ZNF26: variants seen among roughly 807,000 people sequenced by gnomAD.
ZNF26 encodes the protein zinc finger protein 26, also known as epididymis luminal protein 179.
Under a neutral mutation model 54.9 loss-of-function variants are expected in ZNF26, and 32 were observed. The observed-to-expected ratio is 0.58, with a 90% CI of 0.44 to 0.78. The LOEUF is 0.78. Ranked by LOEUF, ZNF26 falls within the 30% of genes least tolerant of loss-of-function variation. The pLI, the probability that ZNF26 is intolerant of heterozygous loss-of-function variation, is 0.00. For missense variants in ZNF26, 524 were observed against 634.0 expected (o/e 0.83, Z 1.86); for synonymous variants, 221 against 209.2 (o/e 1.06, Z -0.49).
Position 132,989,028 on chromosome 12 carries a change from A to ATTTTTTTTTTTTTTTTTTTTTT in ZNF26, c.33+2162_33+2183dup, listed in dbSNP as rs150395603. Among the ~76,000 whole-genome samples the ATTTTTTTTTTTTTTTTTTTTTT allele has an allele frequency of 1.0e-4, 8 of 78,826 alleles. 3 individuals are homozygous for ATTTTTTTTTTTTTTTTTTTTTT. The highest frequency in any genetic ancestry group is 1.0e-4 in the African/African-American group (2 of 20,054). The allele number at this position is 78,826 out of a possible 152,430, so 51.7% of individuals were successfully genotyped here. ...TGTAGTTCCAGGAGTCTTTCGGTGA[A>ATTTTTTTTTTTTTTTTTTTTTT]TTTTTTTTTTTTTTTTTTTTTTTTT... On this transcript the variant is annotated intron_variant, in intron 1 of 3. Transcript: ENST00000328654.
chr12:132,990,321 A>G (rs1157614946), intron 1 of ZNF26, among the ~76,000 whole-genome samples: 1 of 152,276 alleles, frequency 6.6e-6, no homozygotes, highest in Non-Finnish European at 1.5e-5. Context: ...GCATCTATCT[A>G]TGCTTTTTCT....
intron 1 of ZNF26, among the ~76,000 whole-genome samples, chr12:132,996,215 T>C (rs1281833034): frequency 6.6e-6 from 1 of 152,190 alleles, no homozygotes; most frequent in African/African-American, 2.4e-5. Context: ...ACTCAACAGA[T>C]GTCCCATGGG....
chr12:133,001,680 C>T lies in ZNF26; in HGVS notation c.34-5362C>T, dbSNP rs1369579352. 1.1e-5 allele frequency: 14 copies of T among 1,289,010 alleles called. No homozygotes were observed. Among genetic ancestry groups the T allele is most frequent in the South Asian group, 3.7e-5 (3 of 81,024 alleles). 79.8% of individuals were successfully genotyped at this position (1,289,010 alleles called of 1,614,324 possible). A position where few individuals can be genotyped will look rare whatever the true frequency, so the allele number is the denominator to read the frequency against. On this transcript the variant is annotated intron_variant, in intron 1 of 3. Transcript: ENST00000328654. The surrounding 1 kb of genome is among the most constrained non-coding windows in gnomAD (Gnocchi z 4.7). ...TGCTAATGAGCTCAAGTGTCAAGTT[C>T]GGGAATCTTCTGGGTGTTCCTTGGG...
At chr12:132,986,987 A>G (rs1414625118) in intron 1 of ZNF26, 114 bp downstream of exon 1, 1 of 1,186,050 alleles carries the variant, frequency 8.4e-7, no homozygotes. Flanking sequence ...TTGTGTGCGT[A>G]GTTTACTAGA....
intron 1 of ZNF26, 68 bp downstream of exon 1, chr12:132,986,941 G>A: frequency 1.3e-6 from 2 of 1,504,998 alleles, no homozygotes; most frequent in Non-Finnish European, 1.8e-6. Flanking sequence ...ATCTCTTCAG[G>A]GTTACTCCGG....
At chr12:132,995,497 T>G (rs7316089) in intron 1 of ZNF26, among the ~76,000 whole-genome samples, 72,663 of 151,772 alleles carry the variant, frequency 0.48, 18,972 homozygotes, top group East Asian at 0.76. Flanking sequence ...ATTTGTAATA[T>G]TACTTGTTTG....
At position 133,011,587 on chromosome 12, in the gene ZNF26, CAGAG is replaced by C. The variant is rs1247923939; in HGVS notation, c.*109_*112del. On this transcript the variant is annotated 3_prime_UTR_variant, in exon 4 of 4. Transcript: ENST00000328654. ...CTAAAATTACACTCATGTCAAAAATCAGAGAGGAGAGAGACCAACCATATTTGGG... is the reference window on the plus strand; with the variant it reads ...CTAAAATTACACTCATGTCAAAAATCAGGAGAGAGACCAACCATATTTGGG... 1.6e-6 allele frequency: 2 copies of C among 1,223,708 alleles called. No individual in the cohort carries two copies. Among genetic ancestry groups the C allele is most frequent in the East Asian group, 2.6e-5 (1 of 39,182 alleles). 75.8% of individuals were successfully genotyped at this position (1,223,708 alleles called of 1,614,324 possible). A position where few individuals can be genotyped will look rare whatever the true frequency, so the allele number is the denominator to read the frequency against.
Position 133,019,185 on chromosome 12 carries a change from C to A in ZNF26, c.*7704C>A, listed in dbSNP as rs973886249. The A allele has an allele frequency of 6.6e-6, 1 of 152,146 alleles. No homozygotes were observed. Among genetic ancestry groups the A allele is most frequent in the South Asian group, 2.1e-4 (1 of 4,818 alleles). 9.4% of individuals were successfully genotyped at this position (152,146 alleles called of 1,614,324 possible). A position where few individuals can be genotyped will look rare whatever the true frequency, so the allele number is the denominator to read the frequency against. ...AGAAGATGTAACAATTATAAATAGACAATTGGGATTACATCAAGCTGGGAA... is the reference window on the plus strand; with the variant it reads ...AGAAGATGTAACAATTATAAATAGAAAATTGGGATTACATCAAGCTGGGAA... On this transcript the variant is annotated 3_prime_UTR_variant, in exon 4 of 4. Coordinates refer to ENST00000328654, the MANE Select transcript of ZNF26 (RefSeq NM_019591.4).
At chr12:133,007,558 G>A (rs1163790441) in intron 3 of ZNF26, 26 bp downstream of exon 3, 1 of 1,538,046 alleles carries the variant, frequency 6.5e-7, no homozygotes, top group Admixed American at 1.7e-5. Context: ...AGAGGAAGGT[G>A]GGAGGCATGG....
intron 3 of ZNF26, among the ~76,000 whole-genome samples, chr12:133,009,893 C>T (rs1953431529): frequency 6.6e-6 from 1 of 152,076 alleles, no homozygotes; most frequent in African/African-American, 2.4e-5. Flanking sequence ...TTTTAAACCT[C>T]TATTTTAAAA....
Position 133,010,238 on chromosome 12 carries a change from A to T in ZNF26, c.359A>T (p.His120Leu). ...GGAAGACTTAATCTGAGCAAAACCCATGATTCTTCAAGACAGAGACTCTAT... is the reference window on the plus strand; with the variant it reads ...GGAAGACTTAATCTGAGCAAAACCCTTGATTCTTCAAGACAGAGACTCTAT... ...VLGRLNLSKT[H>L]DSSRQRLYNT... The change falls in exon 4 of 4, where the codon CAT becomes CTT. Residue 120 changes from histidine to leucine, a missense_variant. Coordinates refer to ENST00000328654, the MANE Select transcript of ZNF26 (RefSeq NM_019591.4). The T allele has an allele frequency of 2.5e-6, 4 of 1,614,098 alleles. 1 individual carries two copies. The Middle Eastern group carries it at 6.6e-4, about 266-fold the overall frequency.
At position 133,020,887 on chromosome 12, in the gene ZNF26, A is replaced by G. The variant is rs1953631044; in HGVS notation, c.*9406A>G. ...TTCTATATGCACATATCTCTGTGCA[A>G]ACGTCCCCTTTTTATAGGGACATCA... On this transcript the variant is annotated 3_prime_UTR_variant, in exon 4 of 4. Coordinates refer to ENST00000328654, the MANE Select transcript of ZNF26 (RefSeq NM_019591.4). 6.6e-6 allele frequency: 1 copy of G among 152,116 alleles called. No homozygotes were observed. The highest frequency in any genetic ancestry group is 1.5e-5 in the Non-Finnish European group (1 of 68,028). 9.4% of individuals were successfully genotyped at this position (152,116 alleles called of 1,614,324 possible).
intron 1 of ZNF26, chr12:133,005,878 C>T (rs1953313582): frequency 1.3e-5 from 2 of 159,506 alleles, no homozygotes; most frequent in East Asian, 1.9e-4. Flanking sequence ...ATAAATTACC[C>T]AGTTTCTGGT....
chr12:133,000,838 C>T (rs935412812), intron 1 of ZNF26, among the ~76,000 whole-genome samples: 7 of 152,054 alleles, frequency 4.6e-5, no homozygotes, highest in Admixed American at 6.6e-5. Flanking sequence ...GGATTACAGG[C>T]GTGAACTACC....
Position 133,012,361 on chromosome 12 carries a change from CTT to C in ZNF26, c.*884_*885del, listed in dbSNP as rs1953496625. The C allele has an allele frequency of 6.6e-6, 1 of 152,062 alleles. No homozygotes were observed. Among genetic ancestry groups the C allele is most frequent in the Non-Finnish European group, 1.5e-5 (1 of 68,012 alleles). 9.4% of individuals were successfully genotyped at this position (152,062 alleles called of 1,614,324 possible). A position where few individuals can be genotyped will look rare whatever the true frequency, so the allele number is the denominator to read the frequency against. On this transcript the variant is annotated 3_prime_UTR_variant, in exon 4 of 4. Coordinates refer to ENST00000328654, the MANE Select transcript of ZNF26 (RefSeq NM_019591.4). ...ACCCATTGTTGGATAATGGTAATCT[CTT>C]TTTCAGAATTTTGAGTCTGTAATTC...
At position 133,026,937 on chromosome 12, in the gene ZNF26, T is replaced by C. The variant is rs1953713275; in HGVS notation, c.*15456T>C. On this transcript the variant is annotated 3_prime_UTR_variant, in exon 4 of 4. Transcript: ENST00000328654. ...TAGAGTGATATGAAACATAAATACC[T>C]ATATAGGTTAAGAAAAATATTCAAT... 2 of 152,182 alleles carry C rather than the reference T, an allele frequency of 1.3e-5. No individual in the cohort carries two copies. Among genetic ancestry groups the C allele is most frequent in the Non-Finnish European group, 2.9e-5 (2 of 68,026 alleles). 9.4% of individuals were successfully genotyped at this position (152,182 alleles called of 1,614,324 possible).
rs1038445560 is a variant in ZNF26, at chr12:133,018,242, C to A, written c.*6761C>A. ...CTGTAACAAAAGCTGTTAATATATACTTTCTCTTCATCTCTCAGCCTCTTT... is the reference window on the plus strand; with the variant it reads ...CTGTAACAAAAGCTGTTAATATATAATTTCTCTTCATCTCTCAGCCTCTTT... On this transcript the variant is annotated 3_prime_UTR_variant, in exon 4 of 4. Transcript: ENST00000328654. 1.3e-5 allele frequency: 2 copies of A among 152,114 alleles called. No individual in the cohort carries two copies. Among genetic ancestry groups the A allele is most frequent in the Admixed American group, 6.5e-5 (1 of 15,278 alleles). 9.4% of individuals were successfully genotyped at this position (152,114 alleles called of 1,614,324 possible). A position where few individuals can be genotyped will look rare whatever the true frequency, so the allele number is the denominator to read the frequency against.
chr12:133,018,231 G>A lies in ZNF26; in HGVS notation c.*6750G>A, dbSNP rs1953593593. 6.6e-6 allele frequency: 1 copy of A among 152,104 alleles called. No individual in the cohort carries two copies. The highest frequency in any genetic ancestry group is 6.6e-5 in the Admixed American group (1 of 15,266). The allele number at this position is 152,104 out of a possible 1,614,324, so 9.4% of individuals were successfully genotyped here. A position where few individuals can be genotyped will look rare whatever the true frequency, so the allele number is the denominator to read the frequency against. On this transcript the variant is annotated 3_prime_UTR_variant, in exon 4 of 4. Transcript: ENST00000328654. Reference sequence around the variant, plus strand: ...TAAATAGGCTACTGTAACAAAAGCTGTTAATATATACTTTCTCTTCATCTC... The same window carrying A: ...TAAATAGGCTACTGTAACAAAAGCTATTAATATATACTTTCTCTTCATCTC...
chr12:133,024,369 TG>T lies in ZNF26; in HGVS notation c.*12889del, dbSNP rs1953676675. 6.6e-6 allele frequency: 1 copy of T among 152,120 alleles called. No homozygotes were observed. The highest frequency in any genetic ancestry group is 6.5e-5 in the Admixed American group (1 of 15,268). 9.4% of individuals were successfully genotyped at this position (152,120 alleles called of 1,614,324 possible). ...TGAGACTTTTTTATGTAGTGACAGG[TG>T]TATCAACACTGTCACCTAATGTAAA... On this transcript the variant is annotated 3_prime_UTR_variant, in exon 4 of 4. Transcript: ENST00000328654.
Sources: allele counts gnomAD v4.1 joint callset (sites outside exome capture counted in the v4.1 genomes callset), GRCh38; gene constraint gnomAD v4.1.1; non-coding constraint Gnocchi (gnomAD v3.1); transcripts MANE v1.5; gene names NCBI Gene and HGNC (gene_info 2026-07-23, HGNC 2026-07-21).